SLC6A11: variants seen among roughly 807,000 people sequenced by gnomAD.
SLC6A11 encodes sodium- and chloride-dependent GABA transporter 3.
In SLC6A11, 25 loss-of-function variants were observed where a neutral mutation model predicts 74.8. The ratio of observed to expected loss-of-function variants is 0.33; its 90% confidence interval spans 0.24 to 0.47. The LOEUF is 0.47. SLC6A11 is among the 20% of genes least tolerant of loss of function. The pLI is 1.00. For missense variants in SLC6A11, 574 were observed against 837.0 expected (o/e 0.69, Z 3.88); for synonymous variants, 330 against 330.2 (o/e 1.00, Z 0.01).
At chr3:10,873,174 G>A (rs946967583) in intron 5 of SLC6A11, among the ~76,000 whole-genome samples, 12 of 152,152 alleles carry the variant, frequency 7.9e-5, no homozygotes, top group African/African-American at 2.4e-4. Context: ...GCTCTTGTGC[G>A]AGGAAGCTCA....
At chr3:10,937,766 C>A (rs1368708376) in intron 13 of SLC6A11, among the ~76,000 whole-genome samples, 1 of 152,132 alleles carries the variant, frequency 6.6e-6, no homozygotes, top group Non-Finnish European at 1.5e-5. Flanking sequence ...GGAGGAACAC[C>A]CAACACACAC....
At chr3:10,911,171 G>A (rs576225015) in intron 6 of SLC6A11, among the ~76,000 whole-genome samples, 114 of 152,304 alleles carry the variant, frequency 7.5e-4, no homozygotes, top group Non-Finnish European at 1.2e-3. Context: ...GCAGTAATGC[G>A]TGCTGCCTGT....
chr3:10,927,106 T>G (rs1271170349), intron 9 of SLC6A11, among the ~76,000 whole-genome samples: 1 of 152,244 alleles, frequency 6.6e-6, no homozygotes. Context: ...CCAGTATATC[T>G]GTCAAGCCAG....
intron 3 of SLC6A11, 80 bp downstream of exon 3, chr3:10,819,932 C>A: frequency 1.4e-6 from 2 of 1,458,684 alleles, no homozygotes; most frequent in Admixed American, 2.0e-5. Context: ...TCAGGCCAGT[C>A]CTGGTCCCTG....
intron 6 of SLC6A11, among the ~76,000 whole-genome samples, chr3:10,885,685 G>A (rs1280883793): frequency 1.3e-5 from 2 of 152,010 alleles, no homozygotes; most frequent in African/African-American, 2.4e-5. Flanking sequence ...TGCTCCTATG[G>A]TGAGGTCTTT....
chr3:10,854,037 T>C (rs115395200), intron 5 of SLC6A11, among the ~76,000 whole-genome samples: 4,555 of 152,288 alleles, frequency 0.03, 111 homozygotes, highest in East Asian at 0.12. Context: ...TAACTCCCCA[T>C]CACCTGTGGC....
intron 6 of SLC6A11, among the ~76,000 whole-genome samples, chr3:10,907,211 C>T (rs1695315263): frequency 6.6e-6 from 1 of 151,876 alleles, no homozygotes; most frequent in African/African-American, 2.4e-5. Flanking sequence ...AGAGAGCTGA[C>T]AGGAAGGACA....
intron 5 of SLC6A11, among the ~76,000 whole-genome samples, chr3:10,852,437 G>T (rs978377223): frequency 5.3e-5 from 8 of 152,256 alleles, no homozygotes; most frequent in Admixed American, 4.6e-4. Flanking sequence ...TTGAATGACA[G>T]GGCTTCACCT....
At chr3:10,929,919 C>T (rs1575707867) in intron 10 of SLC6A11, among the ~76,000 whole-genome samples, 2 of 152,122 alleles carry the variant, frequency 1.3e-5, no homozygotes, top group African/African-American at 4.8e-5. Flanking sequence ...TCCCCCACCT[C>T]CCATAGCCAT....
At chr3:10,864,332 C>T (rs1261300784) in intron 5 of SLC6A11, among the ~76,000 whole-genome samples, 1 of 151,554 alleles carries the variant, frequency 6.6e-6, no homozygotes, top group South Asian at 2.1e-4. Flanking sequence ...TCCCTTGTGA[C>T]CTCTCAGGGT....
At chr3:10,817,399 C>T (rs1019068605) in intron 1 of SLC6A11, among the ~76,000 whole-genome samples, 1 of 152,160 alleles carries the variant, frequency 6.6e-6, no homozygotes, top group Non-Finnish European at 1.5e-5. Flanking sequence ...GATGCAGCAG[C>T]GAATCCGTAA....
rs769341329 is a variant in SLC6A11 at position 10,816,451 on chromosome 3, C to T, written c.186C>T (p.Ser62=). 2 of 1,604,430 alleles carry T rather than the reference C, an allele frequency of 1.2e-6. No homozygotes were observed. Among genetic ancestry groups the T allele is most frequent in the Non-Finnish European group, 1.7e-6 (2 of 1,175,906 alleles). The change falls in exon 1 of 14, where the codon AGC becomes AGT. Residue 62 remains serine, a synonymous_variant. Coordinates refer to ENST00000254488, the MANE Select transcript of SLC6A11 (RefSeq NM_014229.3). The surrounding 1 kb of genome is among the most constrained non-coding windows in gnomAD (Gnocchi z 4.2). ...ACAACAAGGTGGAGTTCGTGCTGAGCGTGGCCGGGGAGATCATTGGGCTGG... is the reference window on the plus strand; with the variant it reads ...ACAACAAGGTGGAGTTCGTGCTGAGTGTGGCCGGGGAGATCATTGGGCTGG... The part of the protein sequence containing the change: ...HWNNKVEFVL[S]VAGEIIGLGN...
At chr3:10,927,872 A>G (rs1695630183) in intron 9 of SLC6A11, among the ~76,000 whole-genome samples, 1 of 152,162 alleles carries the variant, frequency 6.6e-6, no homozygotes, top group South Asian at 2.1e-4. Flanking sequence ...GCTCCAGGGA[A>G]GGGGTGCTTC....
intron 6 of SLC6A11, among the ~76,000 whole-genome samples, chr3:10,910,102 A>G (rs117075736): frequency 6.6e-6 from 1 of 152,266 alleles, no homozygotes; most frequent in East Asian, 1.9e-4. Flanking sequence ...CACTTCATGA[A>G]AAAGCTCTCC....
intron 5 of SLC6A11, among the ~76,000 whole-genome samples, chr3:10,860,015 A>G (rs761706691): frequency 6.6e-6 from 1 of 152,202 alleles, no homozygotes. Flanking sequence ...ACAGAATGTA[A>G]CATAGCTTCA....
intron 5 of SLC6A11, among the ~76,000 whole-genome samples, chr3:10,873,614 G>GCTATC (rs1297032009): frequency 7.5e-4 from 74 of 98,488 alleles, no homozygotes; most frequent in African/African-American, 3.9e-3. Context: ...CCTATGCCAT[G>GCTATC]CTATCCTATC....
intron 10 of SLC6A11, among the ~76,000 whole-genome samples, chr3:10,932,581 A>T (rs1420364155): frequency 1.3e-5 from 2 of 152,144 alleles, no homozygotes; most frequent in Non-Finnish European, 2.9e-5. Context: ...GGTGAAAGGG[A>T]ATAGCATGTG....
At chr3:10,882,467 C>T (rs1043370684) in intron 6 of SLC6A11, among the ~76,000 whole-genome samples, 1 of 152,162 alleles carries the variant, frequency 6.6e-6, no homozygotes, top group African/African-American at 2.4e-5. Flanking sequence ...TTTGCATCAC[C>T]GTTCTCCACC....
intron 5 of SLC6A11, among the ~76,000 whole-genome samples, chr3:10,870,769 A>T (rs996143733): frequency 6.6e-6 from 1 of 152,180 alleles, no homozygotes; most frequent in Non-Finnish European, 1.5e-5. Flanking sequence ...TTACATAATG[A>T]TGCCTCTAAG....
Sources: allele counts gnomAD v4.1 joint callset (sites outside exome capture counted in the v4.1 genomes callset), GRCh38; gene constraint gnomAD v4.1.1; non-coding constraint Gnocchi (gnomAD v3.1); transcripts MANE v1.5; gene names NCBI Gene and HGNC (gene_info 2026-07-23, HGNC 2026-07-21).